The following BRD10 variants were observed in gnomAD, a reference collection of about 807,000 sequenced individuals.
BRD10 encodes bromodomain containing 10.
the BRD10 span, among the ~76,000 whole-genome samples, chr9:6,006,017 T>C: frequency 6.6e-6 from 1 of 152,222 alleles, no homozygotes; most frequent in East Asian, 1.9e-4. Context: ...CAAAGGTTAC[T>C]TTTAAATTAC....
chr9:5,997,858 G>A, the BRD10 span, among the ~76,000 whole-genome samples: 1,593 of 152,122 alleles, frequency 0.01, 25 homozygotes, highest in African/African-American at 0.03. Context: ...GAGCTTACAT[G>A]GATAGCAAAG....
the BRD10 span, among the ~76,000 whole-genome samples, chr9:5,912,967 T>A: frequency 6.6e-6 from 1 of 152,232 alleles, no homozygotes; most frequent in African/African-American, 2.4e-5. Flanking sequence ...AGTATTGTTT[T>A]ATAGAACCTG....
At chr9:5,956,027 T>C in the BRD10 span, among the ~76,000 whole-genome samples, 1 of 152,138 alleles carries the variant, frequency 6.6e-6, no homozygotes, top group African/African-American at 2.4e-5. Flanking sequence ...TGAATGATCT[T>C]GCTGACTTAT....
chr9:5,988,307 A>C, the BRD10 span: 1 of 1,490,484 alleles, frequency 6.7e-7, no homozygotes, highest in Non-Finnish European at 9.3e-7. Flanking sequence ...CATAAAAATT[A>C]TGCAGCTGAA....
the BRD10 span, chr9:5,923,118 T>C: frequency 6.2e-7 from 1 of 1,613,974 alleles, no homozygotes; most frequent in Non-Finnish European, 8.5e-7. Context: ...TCAACTGTTG[T>C]CTCATTTGTG....
At chr9:5,894,844 C>T in the BRD10 span, among the ~76,000 whole-genome samples, 1 of 152,164 alleles carries the variant, frequency 6.6e-6, no homozygotes, top group African/African-American at 2.4e-5. This position sits in a 1 kb window ranked among gnomAD's most constrained non-coding sequence, Gnocchi z 4.0. Context: ...CCCAGCATCA[C>T]AGAGCAGAGC....
the BRD10 span, among the ~76,000 whole-genome samples, chr9:5,954,767 C>T: frequency 3.3e-5 from 5 of 152,120 alleles, no homozygotes; most frequent in South Asian, 8.3e-4. Flanking sequence ...TTGTATTTAA[C>T]GTGACAAAAA....
the BRD10 span, among the ~76,000 whole-genome samples, chr9:5,886,596 G>C: frequency 6.6e-6 from 1 of 152,190 alleles, no homozygotes; most frequent in Admixed American, 6.5e-5. Context: ...TTGGACTCTA[G>C]AGCTCCTGCT....
At chr9:5,893,560 C>T in the BRD10 span, among the ~76,000 whole-genome samples, 3 of 152,130 alleles carry the variant, frequency 2.0e-5, no homozygotes, top group Non-Finnish European at 4.4e-5. Context: ...ATGAGGGCGG[C>T]GGTATCTTCT....
At chr9:5,884,975 G>C in the BRD10 span, among the ~76,000 whole-genome samples, 1 of 152,186 alleles carries the variant, frequency 6.6e-6, no homozygotes, top group East Asian at 1.9e-4. Context: ...CTTCCTGAGA[G>C]GGAGCCACAC....
chr9:5,969,554 A>G, the BRD10 span: 1 of 727,282 alleles, frequency 1.4e-6, no homozygotes, highest in Non-Finnish European at 2.2e-6. Context: ...TTATTTATTT[A>G]TTTATTTGAG....
chr9:5,905,201 C>T, the BRD10 span, among the ~76,000 whole-genome samples: 6 of 152,166 alleles, frequency 3.9e-5, no homozygotes, highest in African/African-American at 1.4e-4. Context: ...TTAAAATAAT[C>T]CTAATTCCTT....
chr9:5,955,230 C>T, the BRD10 span, among the ~76,000 whole-genome samples: 36 of 151,804 alleles, frequency 2.4e-4, no homozygotes, highest in East Asian at 6.2e-3. Context: ...GTACAAGCTA[C>T]GGGGACAACA....
the BRD10 span, among the ~76,000 whole-genome samples, chr9:5,888,244 G>C: frequency 1.3e-5 from 2 of 152,158 alleles, no homozygotes; most frequent in African/African-American, 4.8e-5. Flanking sequence ...AATGCTTCTG[G>C]GCTGTCCAAG....
the BRD10 span, among the ~76,000 whole-genome samples, chr9:5,886,253 G>A: frequency 1.6e-4 from 25 of 152,326 alleles, no homozygotes; most frequent in African/African-American, 6.0e-4. Flanking sequence ...CCCTTCATGA[G>A]GTGGGCCTGT....
At chr9:5,973,631 G>C in the BRD10 span, among the ~76,000 whole-genome samples, 40 of 152,312 alleles carry the variant, frequency 2.6e-4, no homozygotes, top group African/African-American at 9.4e-4. Context: ...GCTCACACCT[G>C]TAATCCCAGC....
At chr9:5,905,506 A>AT in the BRD10 span, among the ~76,000 whole-genome samples, 5 of 151,938 alleles carry the variant, frequency 3.3e-5, no homozygotes, top group Middle Eastern at 6.8e-3. Flanking sequence ...CCATAAAAAA[A>AT]TTTTTTTTTA....
At chr9:5,911,631 T>C in the BRD10 span, among the ~76,000 whole-genome samples, 2 of 151,536 alleles carry the variant, frequency 1.3e-5, no homozygotes, top group African/African-American at 4.9e-5. Context: ...ACCTCCCAGG[T>C]TCAAGCTATT....
At chr9:5,994,473 T>C in the BRD10 span, among the ~76,000 whole-genome samples, 2 of 152,202 alleles carry the variant, frequency 1.3e-5, no homozygotes, top group African/African-American at 4.8e-5. Flanking sequence ...TTAAACTTAC[T>C]TTCTACTTGA....
Sources: allele counts gnomAD v4.1 joint callset (sites outside exome capture counted in the v4.1 genomes callset), GRCh38; gene constraint gnomAD v4.1.1; non-coding constraint Gnocchi (gnomAD v3.1); transcripts MANE v1.5; gene names NCBI Gene and HGNC (gene_info 2026-07-23, HGNC 2026-07-21).